The following LYPD5 variants were observed in gnomAD, a reference collection of about 807,000 sequenced individuals.
LYPD5 encodes the protein ly6/PLAUR domain-containing protein 5.
Under a neutral mutation model 19.1 loss-of-function variants are expected in LYPD5, and 21 were observed. That is an observed-to-expected ratio of 1.10 (90% confidence interval 0.78 to 1.58). The LOEUF is 1.58. Among genes scored for constraint, LYPD5 ranks in the 40% most tolerant of loss-of-function variants. LYPD5 has a pLI of 0.00. For synonymous variants in LYPD5, 128 were observed against 142.7 expected (o/e 0.90, Z 0.74); for missense variants, 287 against 329.8 (o/e 0.87, Z 1.00).
chr19:43,810,897 T>C (rs1315482163), intron 1 of LYPD5, among the ~76,000 whole-genome samples: 1 of 152,020 alleles, frequency 6.6e-6, no homozygotes, highest in African/African-American at 2.4e-5. Context: ...CCCAAAGGAC[T>C]GGGATTACAG....
chr19:43,816,039 T>TATC (rs1215352144), intron 1 of LYPD5, among the ~76,000 whole-genome samples: 1 of 107,762 alleles, frequency 9.3e-6, no homozygotes, highest in African/African-American at 3.3e-5. Flanking sequence ...CCACTCTATC[T>TATC]ATCTATCTAT....
At position 43,802,424 on chromosome 19, in the gene LYPD5, G is replaced by T. The variant is rs62116993; in HGVS notation, c.-44C>A. 505,200 of 1,534,618 alleles carry T rather than the reference G, an allele frequency of 0.33. 86,950 individuals carry two copies. The highest frequency in any genetic ancestry group is 0.36 in the Non-Finnish European group (408,331 of 1,132,118). On this transcript the variant is annotated 5_prime_UTR_variant, in exon 1 of 5. Transcript: ENST00000377950. Reference sequence around the variant, plus strand: ...GGGACAGCTCCTCCCGCTGTGATGTGCTGCCTGGCTGGTTCTCCTTACTGA... The same window carrying T: ...GGGACAGCTCCTCCCGCTGTGATGTTCTGCCTGGCTGGTTCTCCTTACTGA...
chr19:43,814,594 G>T (rs989698800), intron 1 of LYPD5, among the ~76,000 whole-genome samples: 7 of 152,136 alleles, frequency 4.6e-5, no homozygotes, highest in Non-Finnish European at 1.5e-5. Flanking sequence ...TCTGAGTAGT[G>T]GTCCCGTAAT....
chr19:43,815,705 C>A, intron 1 of LYPD5: 1 of 314,878 alleles, frequency 3.2e-6, no homozygotes. Context: ...TATATAAACA[C>A]ACATCTATAT....
chr19:43,800,989 C>T (rs1228300556), intron 1 of LYPD5, among the ~76,000 whole-genome samples: 5 of 140,556 alleles, frequency 3.6e-5, no homozygotes, highest in African/African-American at 1.3e-4. Flanking sequence ...ATCAAAATCA[C>T]ATATGGATAC....
At chr19:43,813,481 A>G (rs545667011) in intron 1 of LYPD5, among the ~76,000 whole-genome samples, 1 of 152,224 alleles carries the variant, frequency 6.6e-6, no homozygotes, top group Non-Finnish European at 1.5e-5. Flanking sequence ...TAAATTACCT[A>G]GACTCCGGCA....
At chr19:43,820,248 C>T (rs1261542638) in intron 1 of LYPD5, among the ~76,000 whole-genome samples, 4 of 152,222 alleles carry the variant, frequency 2.6e-5, no homozygotes. Context: ...CACAGATGCA[C>T]ACACACCCCA....
At chr19:43,815,701 AAC>A (rs1286570754) in intron 1 of LYPD5, 1 of 314,674 alleles carries the variant, frequency 3.2e-6, no homozygotes, top group Non-Finnish European at 6.1e-6. Context: ...GTTATATATA[AAC>A]ACACATCTAT....
At chr19:43,798,709 C>A in intron 3 of LYPD5, 103 bp downstream of exon 3, 1 of 1,573,778 alleles carries the variant, frequency 6.4e-7, no homozygotes. Context: ...GGGTTGGGAT[C>A]CTAGCGCGCC....
intron 1 of LYPD5, among the ~76,000 whole-genome samples, chr19:43,814,857 G>T (rs1970357440): frequency 6.6e-6 from 1 of 152,198 alleles, no homozygotes; most frequent in Non-Finnish European, 1.5e-5. Context: ...GACTTAGTGG[G>T]TTAGATACCC....
chr19:43,800,655 C>T (rs990660905), intron 1 of LYPD5, among the ~76,000 whole-genome samples: 1 of 152,082 alleles, frequency 6.6e-6, no homozygotes, highest in African/African-American at 2.4e-5. Context: ...ATCACAAAAA[C>T]ATACAGTTTA....
intron 1 of LYPD5, among the ~76,000 whole-genome samples, chr19:43,809,748 T>C (rs1970304115): frequency 6.6e-6 from 1 of 152,190 alleles, no homozygotes. Context: ...GAGTAAATAA[T>C]TAGATGAAAA....
At position 43,799,720 on chromosome 19, in the gene LYPD5, A is replaced by T. The variant is rs542210890; in HGVS notation, c.179T>A (p.Leu60Gln). 1 of 1,613,654 alleles carries T rather than the reference A, an allele frequency of 6.2e-7. No homozygotes were observed. The highest frequency in any genetic ancestry group is 1.1e-5 in the South Asian group (1 of 90,966). ...CCGCTCCTTACCGGTGTCCAGAGAC[A>T]GGATAGCCTCAAAGCACTCATGAGG... ...SCPHECFEAI[L>Q]SLDTGYRAPV... The change falls in exon 2 of 5, where the codon CTG (leucine) becomes CAG (glutamine). Residue 60 changes from leucine to glutamine, a missense_variant. Transcript: ENST00000377950.
intron 1 of LYPD5, among the ~76,000 whole-genome samples, chr19:43,801,656 A>G (rs1409839004): frequency 6.6e-6 from 1 of 152,190 alleles, no homozygotes; most frequent in African/African-American, 2.4e-5. Flanking sequence ...CCACAAACGC[A>G]TTTGTTCAGA....
In LYPD5 at chr19:43,798,891, G is replaced by GT; in HGVS notation, c.290dup (p.Tyr97Ter). The change falls in exon 3 of 5, where the codon TAC (tyrosine) becomes TAAC (stop). Residue 97 changes from tyrosine to a stop codon, truncating the protein, a stop_gained and frameshift_variant. Transcript: ENST00000377950. LOFTEE classifies it high-confidence loss of function. The part of the protein sequence containing the change: ...QSNADALPPD[Y>*]SVVRGCTTDK... ...CAGTTGTGCAGCCGCGCACCACCGA[G>GT]TAGTCTGGCGGCAGCGCGTCCGCGT... 1.2e-6 allele frequency: 2 copies of GT among 1,605,044 alleles called. No homozygotes were observed. Among genetic ancestry groups the GT allele is most frequent in the Non-Finnish European group, 1.7e-6 (2 of 1,176,010 alleles).
chr19:43,811,673 GAGAAAGAA>G (rs757588163), intron 1 of LYPD5, among the ~76,000 whole-genome samples: 15 of 126,462 alleles, frequency 1.2e-4, no homozygotes, highest in South Asian at 1.1e-3. Context: ...GTGACAAAGG[GAGAAAGAA>G]AGAAAGAAAG....
intron 2 of LYPD5, 143 bp downstream of exon 2, chr19:43,799,563 C>G: frequency 3.7e-5 from 34 of 918,588 alleles, no homozygotes; most frequent in South Asian, 7.0e-5. Flanking sequence ...TTTTCTTTTT[C>G]TTCCTCCTCT....
Position 43,802,435 on chromosome 19 carries a change from G to T in LYPD5, c.-55C>A. On this transcript the variant is annotated 5_prime_UTR_variant, in exon 1 of 5. Coordinates refer to ENST00000377950, the MANE Select transcript of LYPD5 (RefSeq NM_001031749.3). ...TCCCGCTGTGATGTGCTGCCTGGCTGGTTCTCCTTACTGAGTCCTAAGCAT... is the reference window on the plus strand; with the variant it reads ...TCCCGCTGTGATGTGCTGCCTGGCTTGTTCTCCTTACTGAGTCCTAAGCAT... 6.6e-7 allele frequency: 1 copy of T among 1,513,308 alleles called. No homozygotes were observed. Among genetic ancestry groups the T allele is most frequent in the Non-Finnish European group, 9.0e-7 (1 of 1,112,622 alleles). The allele number at this position is 1,513,308 out of a possible 1,614,324, so 93.7% of individuals were successfully genotyped here. A position where few individuals can be genotyped will look rare whatever the true frequency, so the allele number is the denominator to read the frequency against.
chr19:43,816,302 T>G (rs753234545), intron 1 of LYPD5, among the ~76,000 whole-genome samples: 3 of 152,226 alleles, frequency 2.0e-5, no homozygotes, highest in African/African-American at 7.2e-5. Context: ...TTTGCATTAC[T>G]ATGGCTTCTA....
Sources: gnomAD v4.1 joint callset for allele counts (sites outside exome capture counted in the v4.1 genomes callset) on GRCh38, gnomAD v4.1.1 for gene constraint, MANE v1.5 for transcripts, NCBI Gene and HGNC (gene_info 2026-07-23, HGNC 2026-07-21) for gene names.